The following USP30 variants were observed in gnomAD, a reference collection of about 807,000 sequenced individuals.
USP30 encodes the protein ubiquitin carboxyl-terminal hydrolase 30.
USP30 carries 41 observed loss-of-function variants against 68.2 expected under a neutral mutation model. That is an observed-to-expected ratio of 0.60 (90% CI 0.47 to 0.78). The LOEUF is 0.78. USP30 is among the 30% of genes least tolerant of loss of function. The pLI, the probability that USP30 is intolerant of heterozygous loss-of-function variation, is 0.00. For synonymous variants in USP30, 229 were observed against 253.7 expected (o/e 0.90, Z 0.93); for missense variants, 522 against 649.4 (o/e 0.80, Z 2.13).
chr12:109,023,141 C>T (rs927465198), exon 1 of USP30: 1 of 152,220 alleles, frequency 6.6e-6, no homozygotes, highest in African/African-American at 2.4e-5. Flanking sequence ...GGTACCTTTT[C>T]GATTATGGAT....
chr12:109,026,076 A>T (rs1476096264), intron 2 of USP30, among the ~76,000 whole-genome samples: 1 of 151,968 alleles, frequency 6.6e-6, no homozygotes, highest in Non-Finnish European at 1.5e-5. Flanking sequence ...ATAATTTTTT[A>T]ATTAAAATAA....
At position 109,067,724 on chromosome 12, in the gene USP30, T is replaced by C; in HGVS notation, c.480+97T>C. 4.8e-6 allele frequency: 5 copies of C among 1,050,790 alleles called. No individual in the cohort carries two copies. The South Asian group carries it at 7.2e-5, about 15-fold the overall frequency. 65.1% of individuals were successfully genotyped at this position (1,050,790 alleles called of 1,614,324 possible). Reference sequence around the variant, plus strand: ...ATTGCCTGGCCCCAGTGTACATTTCTGTGACATTTTAGACAACTTTAGTGT... The same window carrying C: ...ATTGCCTGGCCCCAGTGTACATTTCCGTGACATTTTAGACAACTTTAGTGT... On this transcript the variant is annotated intron_variant, in intron 4 of 12. Coordinates refer to ENST00000257548, the MANE Select transcript of USP30 (RefSeq NM_032663.5).
At chr12:109,056,604 A>G in intron 1 of USP30, 78 bp from the exon 2 acceptor site, 1 of 999,150 alleles carries the variant, frequency 1.0e-6, no homozygotes, top group Non-Finnish European at 1.5e-6. Context: ...TTTTGACAAA[A>G]TGTTATTCTG....
rs1349991610 is a variant in USP30, at chr12:109,085,686, C to T, written c.1309C>T (p.Arg437Trp). The T allele has an allele frequency of 4.3e-6, 7 of 1,614,074 alleles. No homozygotes were observed. The highest frequency in any genetic ancestry group is 4.0e-5 in the African/African-American group (3 of 74,920). The change falls in exon 13 of 13, where the codon CGG becomes TGG. Residue 437 changes from arginine (R) to tryptophan (W), a missense_variant. By Grantham distance (101) the Arg-to-Trp change is moderately radical (BLOSUM62 -3). Coordinates refer to ENST00000257548, the MANE Select transcript of USP30 (RefSeq NM_032663.5). ...PDYSSSTYLFRLMAVVVHHGD... is the reference protein window; with the variant it reads ...PDYSSSTYLFWLMAVVVHHGD... ...ATTCAGCTCCTCCACATACCTCTTC[C>T]GGCTGATGGCAGTTGTCGTCCACCA...
rs781400190 is a variant in USP30, at chr12:109,071,671, G to A, written c.540G>A (p.Gln180=). 1.2e-6 allele frequency: 2 copies of A among 1,614,222 alleles called. No homozygotes were observed. The highest frequency in any genetic ancestry group is 2.2e-5 in the South Asian group (2 of 91,086). The change falls in exon 5 of 13, where the codon CAG becomes CAA. Residue 180 remains glutamine (Q), a synonymous_variant. Coordinates refer to ENST00000257548, the MANE Select transcript of USP30 (RefSeq NM_032663.5). ...TSSLEDERDR[Q]PRVTHLFDVH... ...CATTGGAAGATGAGCGAGACCGCCA[G>A]CCTCGGGTCACACATTTGTTTGATG... is the stretch of plus-strand genomic sequence containing the variant.
chr12:109,027,067 T>A (rs1381890615), intron 2 of USP30, among the ~76,000 whole-genome samples: 1 of 152,140 alleles, frequency 6.6e-6, no homozygotes, highest in Non-Finnish European at 1.5e-5. Context: ...ACATATACAT[T>A]TGGGGTGGAC....
chr12:109,040,528 C>T (rs1255949065), intron 3 of USP30, among the ~76,000 whole-genome samples: 2 of 152,200 alleles, frequency 1.3e-5, no homozygotes, highest in Non-Finnish European at 1.5e-5. Context: ...CAGGAATCCA[C>T]CAAGAGCAGC....
rs1165530644 is a variant in USP30, at chr12:109,052,831, T to A, written c.83+70T>A. ...GTCCCCAGCTTGGGCCCGTGACGGC[T>A]TTTTCATGCCCTAGTTGGGGTCTCC... On this transcript the variant is annotated intron_variant, in intron 1 of 12. Transcript: ENST00000257548. The A allele has an allele frequency of 2.2e-6, 3 of 1,368,322 alleles. No individual in the cohort carries two copies. The African/African-American group carries it at 4.6e-5, about 21-fold the overall frequency. 84.8% of individuals were successfully genotyped at this position (1,368,322 alleles called of 1,614,324 possible). A position where few individuals can be genotyped will look rare whatever the true frequency, so the allele number is the denominator to read the frequency against.
intron 7 of USP30, among the ~76,000 whole-genome samples, chr12:109,076,992 A>G (rs2135799332): frequency 6.6e-6 from 1 of 152,310 alleles, no homozygotes; most frequent in South Asian, 2.1e-4. Context: ...TCAGCCTCTC[A>G]AAGTGCTGGG....
chr12:109,030,848 TCATGATC>T (rs1322812293), intron 3 of USP30, among the ~76,000 whole-genome samples: 2 of 152,160 alleles, frequency 1.3e-5, no homozygotes, highest in Admixed American at 1.3e-4. Flanking sequence ...ACTCCTGACC[TCATGATC>T]CACCTGCCTC....
intron 1 of USP30, among the ~76,000 whole-genome samples, chr12:109,056,091 G>A (rs7137083): frequency 0.18 from 26,821 of 152,140 alleles, 2,465 homozygotes; most frequent in Middle Eastern, 0.23. Context: ...TGTGGAAGTG[G>A]AGTGAGAGGC....
At chr12:109,045,059 C>A (rs1484184728) in intron 3 of USP30, among the ~76,000 whole-genome samples, 2 of 149,624 alleles carry the variant, frequency 1.3e-5, no homozygotes, top group Non-Finnish European at 3.0e-5. Context: ...CTCACTGCAA[C>A]CTCCGCCTCC....
At chr12:109,085,488 G>C (rs762654088) in intron 12 of USP30, among the ~76,000 whole-genome samples, 179 bp from the exon 13 acceptor site, 16 of 152,138 alleles carry the variant, frequency 1.1e-4, no homozygotes, top group Non-Finnish European at 2.1e-4. Flanking sequence ...TATACTCATA[G>C]AATGTACATC....
At position 109,072,323 on chromosome 12, in the gene USP30, C is replaced by G. The variant is rs1419261940; in HGVS notation, c.598C>G (p.Pro200Ala). ...HSLEQQSEIT[P>A]KQITCRTRGS... ...CCTACAGCAGCAGTCAGAAATAACT[C>G]CCAAACAAATTACCTGCCGCACAAG... Residue 200 changes from proline to alanine, a missense_variant, in exon 6 of 13, where the codon CCC becomes GCC. Pro to Ala is a conservative substitution (Grantham distance 27). Coordinates refer to ENST00000257548, the MANE Select transcript of USP30 (RefSeq NM_032663.5). 4 of 1,613,096 alleles carry G rather than the reference C, an allele frequency of 2.5e-6. No individual in the cohort carries two copies. The highest frequency in any genetic ancestry group is 3.4e-6 in the Non-Finnish European group (4 of 1,179,536).
intron 1 of USP30, among the ~76,000 whole-genome samples, chr12:109,055,401 T>TATATATACATATA (rs61062424): frequency 2.0e-4 from 6 of 29,612 alleles, no homozygotes; most frequent in Non-Finnish European, 2.6e-4. Context: ...TATATATATA[T>TATATATACATATA]TTTTTTTTTT....
chr12:109,031,641 A>C (rs912689324), intron 3 of USP30, among the ~76,000 whole-genome samples: 4 of 152,270 alleles, frequency 2.6e-5, no homozygotes, highest in Admixed American at 2.0e-4. Flanking sequence ...AATGTGGTCT[A>C]TCCATGCAAT....
chr12:109,042,929 A>T lies in USP30; in HGVS notation c.-135-4661A>T, dbSNP rs2040574918. ...AGCAGGATACAAAGAAAGTCAATAC[A>T]CAAGAATCCATTGCATTTCTAGATA... is the stretch of plus-strand genomic sequence containing the variant. On this transcript the variant is annotated intron_variant, in intron 3 of 15. Transcript: ENST00000392784. Among the ~76,000 whole-genome samples the T allele has an allele frequency of 2.0e-5, 3 of 152,198 alleles. No homozygotes were observed. In the South Asian group the frequency reaches 6.2e-4, roughly 31 times the overall value.
upstream of USP30, among the ~76,000 whole-genome samples, chr12:109,048,442 T>C (rs1249076847): frequency 1.3e-5 from 2 of 149,448 alleles, no homozygotes; most frequent in African/African-American, 4.9e-5. Flanking sequence ...TTGCCAGGGG[T>C]TGAAGGGGGG....
intron 3 of USP30, among the ~76,000 whole-genome samples, chr12:109,031,781 T>C (rs1213758207): frequency 2.0e-5 from 3 of 152,202 alleles, no homozygotes; most frequent in African/African-American, 7.2e-5. Flanking sequence ...TCCCCTTATA[T>C]GAGGTCTCAA....
Sources: allele counts gnomAD v4.1 joint callset (sites outside exome capture counted in the v4.1 genomes callset), GRCh38; gene constraint gnomAD v4.1.1; transcripts MANE v1.5; gene names NCBI Gene and HGNC (gene_info 2026-07-23, HGNC 2026-07-21).